CTNNA2: variants seen among roughly 807,000 people sequenced by gnomAD.
CTNNA2 encodes catenin alpha 2.
A neutral mutation model predicts 101.0 loss-of-function variants in CTNNA2; 42 were observed. That is an observed-to-expected ratio of 0.42 (90% CI 0.32 to 0.54). The LOEUF (loss-of-function observed/expected upper bound fraction) is 0.54. CTNNA2 is among the 20% of genes least tolerant of loss of function. The probability of loss-of-function intolerance (pLI) is 0.14; values close to 1 mark genes in which losing one functional copy is unlikely to be tolerated. For missense variants in CTNNA2, 871 were observed against 1,223.1 expected (o/e 0.71, Z 4.29); for synonymous variants, 450 against 456.4 (o/e 0.99, Z 0.18).
chr2:79,917,664 T>C (rs1460367997), intron 7 of CTNNA2, among the ~76,000 whole-genome samples: 1 of 152,192 alleles, frequency 6.6e-6, no homozygotes, highest in Non-Finnish European at 1.5e-5. Flanking sequence ...CTAAAGGTGC[T>C]CAACTGTGTT....
At chr2:79,796,934 G>A (rs1191364027) in intron 3 of CTNNA2, among the ~76,000 whole-genome samples, 1 of 152,150 alleles carries the variant, frequency 6.6e-6, no homozygotes, top group Non-Finnish European at 1.5e-5. Flanking sequence ...GCTCAGTCTA[G>A]TTATGCAGGT....
intron 5 of CTNNA2, 101 bp downstream of exon 5, chr2:79,870,036 A>C: frequency 7.0e-7 from 1 of 1,425,018 alleles, no homozygotes; most frequent in Non-Finnish European, 9.5e-7. Flanking sequence ...TCTGCTTGCT[A>C]TCAAATGCCC....
intron 1 of CTNNA2, among the ~76,000 whole-genome samples, chr2:79,556,553 C>A (rs1247242715): frequency 2.0e-5 from 3 of 152,156 alleles, no homozygotes; most frequent in Admixed American, 6.6e-5. Flanking sequence ...TTCTTAGTTA[C>A]ATTGTTGTGC....
At chr2:79,752,506 C>T (rs1477783979) in intron 3 of CTNNA2, among the ~76,000 whole-genome samples, 1 of 152,122 alleles carries the variant, frequency 6.6e-6, no homozygotes, top group Non-Finnish European at 1.5e-5. Flanking sequence ...AAGAATCCAT[C>T]CTGAAGGAAC....
chr2:79,703,006 A>C (rs1685113626), intron 2 of CTNNA2, among the ~76,000 whole-genome samples: 1 of 152,150 alleles, frequency 6.6e-6, no homozygotes, highest in Non-Finnish European at 1.5e-5. Context: ...CCTTAGAGAA[A>C]ACACTCCATG....
chr2:79,286,106 G>T lies in CTNNA2; in HGVS notation c.-405-26603G>T, dbSNP rs1324734013. On this transcript the variant is annotated intron_variant, in intron 2 of 21. Transcript: ENST00000466387. ...GCCTTTTTTTGTTTTCCATTTGCTT[G>T]GTAGATCTTCCTCCATCCTTTTATT... Among the ~76,000 whole-genome samples, 4 of 151,804 alleles carry T rather than the reference G, an allele frequency of 2.6e-5. No homozygotes were observed. The East Asian group carries it at 7.8e-4, about 30-fold the overall frequency.
At chr2:80,225,389 C>T (rs952137728) in intron 7 of CTNNA2, among the ~76,000 whole-genome samples, 2 of 152,108 alleles carry the variant, frequency 1.3e-5, no homozygotes, top group Non-Finnish European at 2.9e-5. Flanking sequence ...AACTTAGGTT[C>T]TTAAGATTTA....
At chr2:80,582,726 T>A (rs1573356855) in intron 14 of CTNNA2, among the ~76,000 whole-genome samples, 1 of 152,184 alleles carries the variant, frequency 6.6e-6, no homozygotes. Context: ...ATATTCTAAT[T>A]TTCTTTGTTA....
At chr2:80,565,690 G>C (rs1693996959) in intron 12 of CTNNA2, among the ~76,000 whole-genome samples, 1 of 152,114 alleles carries the variant, frequency 6.6e-6, no homozygotes, top group Non-Finnish European at 1.5e-5. Flanking sequence ...GTGCTAGGCA[G>C]TGTGGTAATC....
At chr2:79,298,460 C>T (rs905215806) in intron 2 of CTNNA2, among the ~76,000 whole-genome samples, 6 of 152,104 alleles carry the variant, frequency 3.9e-5, no homozygotes, top group African/African-American at 9.7e-5. Context: ...TATACATCAC[C>T]GCTACAACAT....
At chr2:79,466,417 A>T (rs1670936857) in intron 4 of CTNNA2, among the ~76,000 whole-genome samples, 1 of 152,110 alleles carries the variant, frequency 6.6e-6, no homozygotes, top group African/African-American at 2.4e-5. Context: ...CAGCTCAAGG[A>T]GGCCTGCCTG....
intron 4 of CTNNA2, among the ~76,000 whole-genome samples, chr2:79,869,236 C>T (rs1488435340): frequency 6.6e-6 from 1 of 152,160 alleles, no homozygotes; most frequent in Non-Finnish European, 1.5e-5. Flanking sequence ...GTTGATACCA[C>T]CTTCAAATAG....
At chr2:80,485,583 C>CAAAATCCATA (rs1553534492) in intron 9 of CTNNA2, among the ~76,000 whole-genome samples, 3 of 152,140 alleles carry the variant, frequency 2.0e-5, no homozygotes, top group Non-Finnish European at 2.9e-5. Context: ...TATATTGTGA[C>CAAAATCCATA]AAAATCCATA....
At chr2:79,691,826 A>G (rs1458740987) in intron 2 of CTNNA2, among the ~76,000 whole-genome samples, 1 of 152,176 alleles carries the variant, frequency 6.6e-6, no homozygotes, top group Non-Finnish European at 1.5e-5. Flanking sequence ...CCATATGCAG[A>G]AAACTGAAAC....
chr2:79,317,037 T>A (rs931681403), intron 3 of CTNNA2, among the ~76,000 whole-genome samples: 1 of 152,044 alleles, frequency 6.6e-6, no homozygotes, highest in African/African-American at 2.4e-5. Context: ...AGGGTTTCCA[T>A]AGACACCCTT....
intron 1 of CTNNA2, among the ~76,000 whole-genome samples, chr2:79,541,427 C>CACACATATATAT (rs1485339148): frequency 7.0e-6 from 1 of 142,794 alleles, no homozygotes; most frequent in African/African-American, 2.6e-5. Flanking sequence ...CGCACACACA[C>CACACATATATAT]ATATATATAT....
At chr2:80,279,334 G>A (rs1253484357) in intron 7 of CTNNA2, among the ~76,000 whole-genome samples, 1 of 151,992 alleles carries the variant, frequency 6.6e-6, no homozygotes, top group Non-Finnish European at 1.5e-5. Flanking sequence ...TCTTTCATTT[G>A]TTCCTTTATG....
chr2:80,132,761 T>C (rs992018599), intron 7 of CTNNA2, among the ~76,000 whole-genome samples: 3 of 152,184 alleles, frequency 2.0e-5, no homozygotes, highest in Non-Finnish European at 2.9e-5. Flanking sequence ...CACATTGTTA[T>C]TCTCTCTATT....
chr2:80,335,270 C>A (rs1671673588), intron 7 of CTNNA2, among the ~76,000 whole-genome samples: 1 of 152,172 alleles, frequency 6.6e-6, no homozygotes, highest in Admixed American at 6.5e-5. Flanking sequence ...GTTACCTACT[C>A]CAGGAGTAGT....
Sources: allele counts gnomAD v4.1 joint callset (sites outside exome capture counted in the v4.1 genomes callset), GRCh38; gene constraint gnomAD v4.1.1; transcripts MANE v1.5; gene names NCBI Gene and HGNC (gene_info 2026-07-23, HGNC 2026-07-21).